The following PPME1 variants were observed in gnomAD, a reference collection of about 807,000 sequenced individuals.
PPME1 encodes protein phosphatase methylesterase 1.
A neutral mutation model predicts 56.9 loss-of-function variants in PPME1; 17 were observed. The ratio of observed to expected loss-of-function variants is 0.30; its 90% CI spans 0.20 to 0.45. The LOEUF (loss-of-function observed/expected upper bound fraction) is 0.45. PPME1 is among the 20% of genes least tolerant of loss of function. The pLI is 1.00. For synonymous variants in PPME1, 122 were observed against 156.2 expected (o/e 0.78, Z 1.63); for missense variants, 357 against 483.2 (o/e 0.74, Z 2.45).
At chr11:74,172,267 A>C (rs992076786) in intron 1 of PPME1, among the ~76,000 whole-genome samples, 5 of 151,828 alleles carry the variant, frequency 3.3e-5, no homozygotes, top group African/African-American at 1.2e-4. Flanking sequence ...GGACTGAAGA[A>C]TTTACAGAGT....
At chr11:74,176,093 A>C (rs1218839501) in intron 1 of PPME1, among the ~76,000 whole-genome samples, 1 of 152,252 alleles carries the variant, frequency 6.6e-6, no homozygotes. Flanking sequence ...ATAATACATA[A>C]AAAGCACTTA....
chr11:74,187,790 C>T (rs77897814), intron 1 of PPME1, among the ~76,000 whole-genome samples: 1,990 of 152,218 alleles, frequency 0.013, 29 homozygotes, highest in East Asian at 0.059. Flanking sequence ...AGGTCTGAAT[C>T]CCTGGAACCT....
chr11:74,187,169 C>T lies in PPME1; in HGVS notation c.101+15647C>T, dbSNP rs146643503. Among the ~76,000 whole-genome samples, 114 of 152,178 alleles carry T rather than the reference C, an allele frequency of 7.5e-4. 1 individual carries two copies. In the East Asian group the frequency reaches 0.017, roughly 23 times the overall value. ...TACTGTAGCTTTTTGTAGTAAGTTTCGAAATCAGGAAGTATAATGTTTCCA... is the reference window on the plus strand; with the variant it reads ...TACTGTAGCTTTTTGTAGTAAGTTTTGAAATCAGGAAGTATAATGTTTCCA... On this transcript the variant is annotated intron_variant, in intron 1 of 13. Transcript: ENST00000328257.
intron 9 of PPME1, 130 bp downstream of exon 9, chr11:74,239,386 T>G (rs1859287739): frequency 3.6e-6 from 5 of 1,374,370 alleles, no homozygotes; most frequent in Non-Finnish European, 4.8e-6. Flanking sequence ...GACACTATCA[T>G]AAGAGATACT....
At chr11:74,195,173 G>A (rs956424436) in intron 1 of PPME1, among the ~76,000 whole-genome samples, 25 of 152,098 alleles carry the variant, frequency 1.6e-4, no homozygotes, top group African/African-American at 5.6e-4. Context: ...TCATGTGTCC[G>A]TCACCTAGCT....
In PPME1 at chr11:74,243,948, C is replaced by T. The variant is rs182803630; in HGVS notation, c.835-2128C>T. 3.1e-3 allele frequency among the ~76,000 whole-genome samples: 478 copies of T among 152,224 alleles called. 3 individuals carry two copies. In the Middle Eastern group the frequency reaches 0.034, roughly 11 times the overall value. On this transcript the variant is annotated intron_variant, in intron 9 of 13. Transcript: ENST00000328257. Reference sequence around the variant, plus strand: ...ACAACTCCCCTTTTCTAAAACTCTTCCAAAGGCCCCTGGTTGCCACCATTC... The same window carrying T: ...ACAACTCCCCTTTTCTAAAACTCTTTCAAAGGCCCCTGGTTGCCACCATTC...
chr11:74,196,672 C>T (rs939802768), intron 1 of PPME1, among the ~76,000 whole-genome samples: 21 of 152,108 alleles, frequency 1.4e-4, no homozygotes, highest in African/African-American at 4.8e-4. Context: ...AACAGCTACT[C>T]CATAGACAGA....
In PPME1 at chr11:74,176,433, GT is replaced by G. The variant is rs771531064; in HGVS notation, c.101+4922del. ...AAAATAATCAAATCCCAGTATTTCT[GT>G]TTTTTTTTTTATTTTTTCATTAGAT... On this transcript the variant is annotated intron_variant, in intron 1 of 13. Transcript: ENST00000328257. 1.7e-3 allele frequency among the ~76,000 whole-genome samples: 247 copies of G among 145,356 alleles called. 2 individuals are homozygous for G. The highest frequency in any genetic ancestry group is 3.0e-3 in the African/African-American group (120 of 39,864).
intron 9 of PPME1, among the ~76,000 whole-genome samples, chr11:74,245,032 G>T (rs562278447): frequency 6.6e-6 from 1 of 152,144 alleles, no homozygotes; most frequent in South Asian, 2.1e-4. Flanking sequence ...TTATTTTTGG[G>T]CTCTCTATTC....
chr11:74,202,557 C>G (rs1416199167), intron 1 of PPME1, among the ~76,000 whole-genome samples: 1 of 152,088 alleles, frequency 6.6e-6, no homozygotes, highest in Non-Finnish European at 1.5e-5. Context: ...ATAGCATATA[C>G]AGGAAGATGT....
intron 11 of PPME1, chr11:74,248,440 A>G (rs981122877): frequency 6.6e-6 from 1 of 152,182 alleles, no homozygotes; most frequent in Non-Finnish European, 1.5e-5. Flanking sequence ...TCTTTTAGCT[A>G]TCCTCAAGCT....
At chr11:74,219,706 G>A (rs1204388895) in intron 3 of PPME1, among the ~76,000 whole-genome samples, 2 of 152,110 alleles carry the variant, frequency 1.3e-5, no homozygotes, top group Non-Finnish European at 2.9e-5. Context: ...TTGAACTCAT[G>A]GAGAGTAGAA....
At chr11:74,238,246 T>C (rs569010250) in intron 8 of PPME1, 2 of 152,248 alleles carry the variant, frequency 1.3e-5, no homozygotes, top group African/African-American at 2.4e-5. Flanking sequence ...AAACACCTAC[T>C]TAACAAAACA....
chr11:74,178,579 G>A (rs1857454752), intron 1 of PPME1, among the ~76,000 whole-genome samples: 1 of 152,186 alleles, frequency 6.6e-6, no homozygotes, highest in African/African-American at 2.4e-5. Flanking sequence ...GTTAACAAGT[G>A]GAGAAGCCTA....
chr11:74,235,878 T>G (rs368582654), intron 7 of PPME1, 23 bp from the exon 8 acceptor site: 31 of 1,601,312 alleles, frequency 1.9e-5, no homozygotes, highest in Non-Finnish European at 2.6e-5. Context: ...TAACCTTCTC[T>G]CTTCCTTTCT....
intron 1 of PPME1, among the ~76,000 whole-genome samples, chr11:74,188,587 A>G (rs914948066): frequency 5.3e-5 from 8 of 152,126 alleles, no homozygotes; most frequent in Non-Finnish European, 1.0e-4. Context: ...TTTGATTTTT[A>G]TATAATTATC....
intron 1 of PPME1, 39 bp downstream of exon 1, chr11:74,171,561 C>T: frequency 1.9e-6 from 3 of 1,562,980 alleles, no homozygotes; most frequent in Non-Finnish European, 2.6e-6. Context: ...GGGCCAGGCC[C>T]CAGCCGTTGG....
chr11:74,234,074 G>T (rs1859133927), intron 7 of PPME1, among the ~76,000 whole-genome samples: 2 of 152,160 alleles, frequency 1.3e-5, no homozygotes, highest in African/African-American at 4.8e-5. Context: ...ACTGGTTTAT[G>T]GATTGGATGT....
intron 1 of PPME1, among the ~76,000 whole-genome samples, chr11:74,180,905 A>T (rs938875242): frequency 2.0e-5 from 3 of 152,216 alleles, no homozygotes; most frequent in African/African-American, 4.8e-5. Flanking sequence ...CAAGTGGTCC[A>T]CCATTAAAGG....
Sources: allele counts gnomAD v4.1 joint callset (sites outside exome capture counted in the v4.1 genomes callset), GRCh38; gene constraint gnomAD v4.1.1; transcripts MANE v1.5; gene names NCBI Gene and HGNC (gene_info 2026-07-23, HGNC 2026-07-21).